The following ATP7B variants were observed in gnomAD, a reference collection of about 807,000 sequenced individuals.
The protein encoded by ATP7B is ATPase copper transporting beta, also known as copper-transporting ATPase 2.
In ATP7B, 113 loss-of-function variants were observed where a neutral mutation model predicts 118.9. The observed-to-expected ratio is 0.95, with a 90% CI of 0.82 to 1.11. ATP7B has a LOEUF of 1.11. ATP7B is among the 50% of genes most tolerant of loss of function. ATP7B has a pLI of 0.00. For synonymous variants in ATP7B, 777 were observed against 727.4 expected (o/e 1.07, Z -1.10); for missense variants, 1,867 against 1,871.4 (o/e 1.00, Z 0.04).
intron 15 of ATP7B, among the ~76,000 whole-genome samples, chr13:51,941,427 T>C (rs1320378107): frequency 1.3e-5 from 2 of 151,608 alleles, no homozygotes. Context: ...TGAATTAAGA[T>C]GGGGCATTAA....
rs1323977909 is a variant in ATP7B, at chr13:51,937,392, T to C, written c.3905A>G (p.Asn1302Ser). Residue 1302 changes from asparagine to serine, a missense_variant and splice_region_variant, in exon 19 of 21, where the codon AAT (asparagine) becomes AGT (serine). Coordinates refer to ENST00000242839, the MANE Select transcript of ATP7B (RefSeq NM_000053.4). ...IEAADVVLIRNDLLDVVASIH... is the reference protein window; with the variant it reads ...IEAADVVLIRSDLLDVVASIH... Reference sequence around the variant, plus strand: ...GCTAGCCACCACATCCAGCAAATCATTCTGATGGAGAGGAGCACACAGTGA... The same window carrying C: ...GCTAGCCACCACATCCAGCAAATCACTCTGATGGAGAGGAGCACACAGTGA... The C allele has an allele frequency of 6.2e-7, 1 of 1,614,198 alleles. No individual in the cohort carries two copies. The highest frequency in any genetic ancestry group is 8.5e-7 in the Non-Finnish European group (1 of 1,180,020).
chr13:52,009,214 G>A (rs1450452669), intron 1 of ATP7B, among the ~76,000 whole-genome samples: 1 of 152,170 alleles, frequency 6.6e-6, no homozygotes, highest in Non-Finnish European at 1.5e-5. Context: ...AATATTTTGA[G>A]ATGGCCGTTC....
intron 1 of ATP7B, among the ~76,000 whole-genome samples, chr13:51,991,220 C>T (rs1311851002): frequency 6.6e-6 from 1 of 152,224 alleles, no homozygotes; most frequent in Non-Finnish European, 1.5e-5. Flanking sequence ...TGTCTAACAT[C>T]AATCCTCCCT....
chr13:51,935,390 A>G (rs934450452), intron 20 of ATP7B, among the ~76,000 whole-genome samples: 4 of 152,212 alleles, frequency 2.6e-5, no homozygotes, highest in African/African-American at 9.6e-5. Context: ...GCAGCCCAGC[A>G]CGTGAATGGG....
chr13:51,942,584 A>G (rs781332476), intron 14 of ATP7B, 30 bp from the exon 15 acceptor site: 9 of 1,613,250 alleles, frequency 5.6e-6, no homozygotes, highest in Non-Finnish European at 7.6e-6. Context: ...GGAAGAGGAA[A>G]CTGTAAGCCA....
rs73498144 is a variant in ATP7B at position 51,934,741 on chromosome 13, G to A, written c.*15C>T. ...TGGAGGCAAGTCCCTGCCCCGGCCC[G>A]CCTGCCTGAAGTCATCAGATGTACT... On this transcript the variant is annotated 3_prime_UTR_variant, in exon 21 of 21. Coordinates refer to ENST00000242839, the MANE Select transcript of ATP7B (RefSeq NM_000053.4). 1,444 of 1,612,332 alleles carry A rather than the reference G, an allele frequency of 9.0e-4. 9 individuals carry two copies. The African/African-American group carries it at 0.015, about 17-fold the overall frequency.
chr13:51,939,877 T>C (rs989210095), intron 16 of ATP7B, among the ~76,000 whole-genome samples: 1 of 152,218 alleles, frequency 6.6e-6, no homozygotes, highest in Admixed American at 6.5e-5. Context: ...GTCATGTATT[T>C]TATTTCTTGC....
chr13:51,940,449 T>A lies in ATP7B; in HGVS notation c.3556+632A>T, dbSNP rs1241623904. Among the ~76,000 whole-genome samples, 4 of 149,502 alleles carry A rather than the reference T, an allele frequency of 2.7e-5. No individual in the cohort carries two copies. In the East Asian group the frequency reaches 8.2e-4, roughly 31 times the overall value. On this transcript the variant is annotated intron_variant, in intron 16 of 20. Coordinates refer to ENST00000242839, the MANE Select transcript of ATP7B (RefSeq NM_000053.4). ...CAAGCAGATCACCTGAGGTCAGGAG[T>A]TCGAGACCAGCCTGGTGAAACCCCG... is the stretch of plus-strand genomic sequence containing the variant.
chr13:51,944,353 C>T (rs539507808), intron 13 of ATP7B, 62 bp from the exon 14 acceptor site: 10 of 1,599,110 alleles, frequency 6.3e-6, no homozygotes, highest in East Asian at 2.2e-5. Flanking sequence ...CATAGTCACA[C>T]TCCTGAGGCA....
intron 8 of ATP7B, 88 bp from the exon 9 acceptor site, chr13:51,957,695 A>G: frequency 1.5e-6 from 2 of 1,332,214 alleles, no homozygotes; most frequent in Non-Finnish European, 2.2e-6. Context: ...GGTGTTAGAG[A>G]CAGCTGGTGC....
intron 1 of ATP7B, among the ~76,000 whole-genome samples, chr13:52,006,811 T>A (rs1273854057): frequency 6.6e-6 from 1 of 152,160 alleles, no homozygotes; most frequent in Non-Finnish European, 1.5e-5. Context: ...TGCCCTTCTC[T>A]CCATGCTCCT....
In ATP7B at chr13:51,933,386, G is replaced by A. The variant is rs1956798337; in HGVS notation, c.*1370C>T. 1.3e-5 allele frequency: 2 copies of A among 152,194 alleles called. No homozygotes were observed. Among genetic ancestry groups the A allele is most frequent in the South Asian group, 2.1e-4 (1 of 4,836 alleles). The allele number at this position is 152,194 out of a possible 1,614,324, so 9.4% of individuals were successfully genotyped here. On this transcript the variant is annotated 3_prime_UTR_variant, in exon 21 of 21. Coordinates refer to ENST00000242839, the MANE Select transcript of ATP7B (RefSeq NM_000053.4). Reference sequence around the variant, plus strand: ...GAGGATTAGACGTAATCTATCAAAAGTGCTGCTAAAACTGCCCCTGGCAAG... The same window carrying A: ...GAGGATTAGACGTAATCTATCAAAAATGCTGCTAAAACTGCCCCTGGCAAG...
At chr13:51,954,913 G>A (rs2139396635) in intron 9 of ATP7B, among the ~76,000 whole-genome samples, 1 of 152,292 alleles carries the variant, frequency 6.6e-6, no homozygotes, top group South Asian at 2.1e-4. Flanking sequence ...AACACACAAA[G>A]ACAGAGGCAG....
chr13:51,993,221 G>A (rs1337062547), intron 1 of ATP7B, among the ~76,000 whole-genome samples: 2 of 151,814 alleles, frequency 1.3e-5, no homozygotes, highest in African/African-American at 4.8e-5. Flanking sequence ...TCGTTCCATC[G>A]TAAATTTGTT....
In ATP7B at chr13:51,974,723, C is replaced by T. The variant is rs150490315; in HGVS notation, c.497G>A (p.Arg166Gln). 2.7e-5 allele frequency: 43 copies of T among 1,613,906 alleles called. No individual in the cohort carries two copies. The highest frequency in any genetic ancestry group is 1.0e-4 in the Admixed American group (6 of 60,016). ...GACTCTCACTACTCCTTGCAGTTTC[C>T]GGACCTTGCCTTCAATGGAGCTGAC... Reference protein sequence around the residue: ...SCVSSIEGKVRKLQGVVRVKV... With the variant: ...SCVSSIEGKVQKLQGVVRVKV... Residue 166 changes from arginine (R) to glutamine (Q), a missense_variant, in exon 2 of 21, where the codon CGG (arginine) becomes CAG (glutamine). Physicochemically the swap from Arg to Gln is conservative, Grantham distance 43. Transcript: ENST00000242839.
chr13:51,942,533 C>T lies in ATP7B; in HGVS notation c.3265G>A (p.Gly1089Arg), dbSNP rs1468895797. The T allele has an allele frequency of 6.2e-7, 1 of 1,614,090 alleles. No homozygotes were observed. The highest frequency in any genetic ancestry group is 2.2e-5 in the East Asian group (1 of 44,866). Residue 1089 changes from glycine (G) to arginine (R), a missense_variant, in exon 15 of 21, where the codon GGA becomes AGA. Gly to Arg is a moderately radical substitution (Grantham distance 125). Coordinates refer to ENST00000242839, the MANE Select transcript of ATP7B (RefSeq NM_000053.4). ...CKEELGTETLGYCTDFQAVPG... is the reference protein window; with the variant it reads ...CKEELGTETLRYCTDFQAVPG... The stretch of plus-strand genomic sequence containing the variant: ...ACTGCCTGGAAGTCCGTGCAGTATC[C>T]CAAGGTCTCTGTTCCAAGTTCCTGG...
At chr13:51,986,145 C>T (rs1349564536) in intron 1 of ATP7B, among the ~76,000 whole-genome samples, 1 of 151,838 alleles carries the variant, frequency 6.6e-6, no homozygotes, top group Non-Finnish European at 1.5e-5. Context: ...TTGAAAAGAT[C>T]AACAAAATAG....
chr13:51,953,600 G>C (rs956081573), intron 9 of ATP7B, among the ~76,000 whole-genome samples: 2 of 152,100 alleles, frequency 1.3e-5, no homozygotes, highest in Non-Finnish European at 2.9e-5. Flanking sequence ...AATCTCAATA[G>C]CATGTATTCT....
At chr13:52,010,610 G>C (rs888171165) in intron 1 of ATP7B, among the ~76,000 whole-genome samples, 2 of 152,144 alleles carry the variant, frequency 1.3e-5, no homozygotes, top group Non-Finnish European at 2.9e-5. Flanking sequence ...ATCTCATTTA[G>C]GTAAAACAAA....
Sources: allele counts gnomAD v4.1 joint callset (sites outside exome capture counted in the v4.1 genomes callset), GRCh38; gene constraint gnomAD v4.1.1; transcripts MANE v1.5; gene names NCBI Gene and HGNC (gene_info 2026-07-23, HGNC 2026-07-21).